LRGUK: variants seen among roughly 807,000 people sequenced by gnomAD.
LRGUK encodes leucine-rich repeat and guanylate kinase domain-containing protein.
Under a neutral mutation model 76.0 loss-of-function variants are expected in LRGUK, and 65 were observed. The observed-to-expected ratio is 0.85, with a 90% CI of 0.70 to 1.05. LRGUK has a LOEUF of 1.05. LRGUK is among the 50% of genes least tolerant of loss of function. The probability of loss-of-function intolerance (pLI) is 0.00; values close to 1 mark genes in which losing one functional copy is unlikely to be tolerated. For missense variants in LRGUK, 758 were observed against 732.8 expected (o/e 1.03, Z -0.40); for synonymous variants, 268 against 265.6 (o/e 1.01, Z -0.09).
At chr7:134,245,563 CAT>C (rs1235277584) in intron 16 of LRGUK, among the ~76,000 whole-genome samples, 4 of 152,236 alleles carry the variant, frequency 2.6e-5, no homozygotes, top group African/African-American at 9.6e-5. Flanking sequence ...AGTTTTTTGA[CAT>C]GTTTTTGATT....
intron 15 of LRGUK, among the ~76,000 whole-genome samples, chr7:134,205,817 C>T (rs1767028481): frequency 6.6e-6 from 1 of 152,184 alleles, no homozygotes. Context: ...CTGTCTAGAG[C>T]TGAGGTTTTT....
At chr7:134,129,924 G>T (rs1020322117) in intron 1 of LRGUK, among the ~76,000 whole-genome samples, 1 of 152,006 alleles carries the variant, frequency 6.6e-6, no homozygotes, top group African/African-American at 2.4e-5. Context: ...TTCCTCATTT[G>T]TCTTATTTCT....
chr7:134,189,844 A>T (rs1454471205), intron 11 of LRGUK, among the ~76,000 whole-genome samples: 1 of 152,066 alleles, frequency 6.6e-6, no homozygotes, highest in Admixed American at 6.6e-5. Flanking sequence ...CTTAGAATGT[A>T]CTCTCTTTCC....
chr7:134,213,528 C>T (rs547980356), downstream of LRGUK, among the ~76,000 whole-genome samples: 5 of 152,120 alleles, frequency 3.3e-5, no homozygotes, highest in Non-Finnish European at 5.9e-5. Flanking sequence ...GAAGAATTTT[C>T]GAAATTTAAA....
intron 19 of LRGUK, among the ~76,000 whole-genome samples, chr7:134,262,158 G>C (rs925953262): frequency 2.0e-5 from 3 of 152,142 alleles, no homozygotes; most frequent in African/African-American, 7.2e-5. Context: ...CAGATCACTT[G>C]AGGTCAGGCA....
chr7:134,178,934 A>AAAAAAAAAAAAAAATCC (rs376955591), intron 10 of LRGUK, among the ~76,000 whole-genome samples: 2 of 78,134 alleles, frequency 2.6e-5, no homozygotes, highest in African/African-American at 5.3e-5. Flanking sequence ...CTCAAAAAAA[A>AAAAAAAAAAAAAAATCC]AAAAAAAAAA....
chr7:134,241,256 G>T (rs1585592955), intron 16 of LRGUK, among the ~76,000 whole-genome samples: 1 of 152,246 alleles, frequency 6.6e-6, no homozygotes, highest in South Asian at 2.1e-4. Context: ...ACACAGACTG[G>T]CAAATTGGAT....
rs1447486024 is a variant in LRGUK, at chr7:134,250,363, A to G, written c.2198+1287A>G. On this transcript the variant is annotated intron_variant, in intron 18 of 19. Transcript: ENST00000285928. The stretch of plus-strand genomic sequence containing the variant: ...ATTTACACCAAAATATTATGTTATT[A>G]TCTTCTAGTGATAAGATTATGGCCA... 6.6e-5 allele frequency among the ~76,000 whole-genome samples: 10 copies of G among 152,340 alleles called. No individual in the cohort carries two copies. In the South Asian group the frequency reaches 2.1e-3, roughly 32 times the overall value.
intron 6 of LRGUK, among the ~76,000 whole-genome samples, chr7:134,159,085 C>T (rs951611275): frequency 2.6e-5 from 4 of 152,092 alleles, no homozygotes; most frequent in African/African-American, 7.2e-5. Context: ...TGCCTGTAAT[C>T]GCAGCACTTT....
intron 7 of LRGUK, among the ~76,000 whole-genome samples, chr7:134,173,920 C>T (rs578134713): frequency 9.2e-5 from 14 of 152,130 alleles, no homozygotes; most frequent in Admixed American, 2.6e-4. Flanking sequence ...ACCATCCTGG[C>T]CAGCATGGTG....
chr7:134,168,697 GGAA>G (rs1799103180), intron 7 of LRGUK, among the ~76,000 whole-genome samples: 1 of 152,178 alleles, frequency 6.6e-6, no homozygotes, highest in Non-Finnish European at 1.5e-5. Flanking sequence ...TGGTGGATGA[GGAA>G]GAAGATGTGG....
chr7:134,188,495 G>A (rs905042469), intron 11 of LRGUK, among the ~76,000 whole-genome samples: 4 of 152,132 alleles, frequency 2.6e-5, no homozygotes, highest in African/African-American at 9.7e-5. Flanking sequence ...AAGCAGACCA[G>A]GTAGAATGTA....
intron 5 of LRGUK, among the ~76,000 whole-genome samples, chr7:134,149,260 T>G (rs535466674): frequency 1.3e-5 from 2 of 152,312 alleles, no homozygotes; most frequent in South Asian, 4.1e-4. Flanking sequence ...TTTAATGAGC[T>G]TGAGTCTCTT....
At chr7:134,174,753 A>G (rs1304810556) in intron 8 of LRGUK, 117 bp downstream of exon 8, 3 of 691,900 alleles carry the variant, frequency 4.3e-6, no homozygotes, top group Non-Finnish European at 7.7e-6. Context: ...GAATGTGAAT[A>G]GAGTTTGTCT....
intron 16 of LRGUK, among the ~76,000 whole-genome samples, chr7:134,224,582 T>C (rs1403123985): frequency 6.6e-6 from 1 of 151,846 alleles, no homozygotes; most frequent in Non-Finnish European, 1.5e-5. Context: ...TCAGGAAAAA[T>C]AACTAATGGG....
chr7:134,133,122 A>G (rs1797381671), intron 1 of LRGUK, among the ~76,000 whole-genome samples: 1 of 152,106 alleles, frequency 6.6e-6, no homozygotes. Flanking sequence ...AGGTGCATTC[A>G]TTCATTCAAC....
chr7:134,220,695 A>G (rs997040202), intron 15 of LRGUK, among the ~76,000 whole-genome samples: 4 of 151,796 alleles, frequency 2.6e-5, no homozygotes, highest in African/African-American at 7.3e-5. Flanking sequence ...TAGCCTGCCA[A>G]TTAGTTAGGA....
At chr7:134,216,916 G>A (rs957327507) in intron 15 of LRGUK, among the ~76,000 whole-genome samples, 2 of 152,158 alleles carry the variant, frequency 1.3e-5, no homozygotes, top group East Asian at 3.8e-4. Context: ...TGCTTAGGGT[G>A]TGGGATTGGG....
intron 14 of LRGUK, 104 bp from the exon 15 acceptor site, chr7:134,201,377 T>C (rs1473538858): frequency 4.8e-6 from 4 of 827,886 alleles, no homozygotes; most frequent in East Asian, 5.2e-5. Flanking sequence ...TACCATAATA[T>C]ATATAAAATT....
Sources: allele counts gnomAD v4.1 joint callset (sites outside exome capture counted in the v4.1 genomes callset), GRCh38; gene constraint gnomAD v4.1.1; transcripts MANE v1.5; gene names NCBI Gene and HGNC (gene_info 2026-07-23, HGNC 2026-07-21).